Variants in SUCO observed in about 807,000 individuals in gnomAD.
SUCO encodes the protein SUN domain-containing ossification factor.
In SUCO, 57 loss-of-function variants were observed where a neutral mutation model predicts 148.1. That is an observed-to-expected ratio of 0.38 (90% confidence interval 0.31 to 0.48). The LOEUF (loss-of-function observed/expected upper bound fraction) is 0.48. SUCO is among the 20% of genes least tolerant of loss of function. The pLI is 0.96. For synonymous variants in SUCO, 470 were observed against 502.7 expected, an observed-to-expected ratio of 0.93 and a Z score of 0.87; for missense variants, 1,331 against 1,468.2, an observed-to-expected ratio of 0.91 and a Z score of 1.53.
At chr1:172,537,624 C>G (rs1571169114) in intron 1 of SUCO, among the ~76,000 whole-genome samples, 1 of 152,270 alleles carries the variant, frequency 6.6e-6, no homozygotes, top group Non-Finnish European at 1.5e-5. Context: ...CCACTCTTTC[C>G]CTGGGTTTCT....
intron 15 of SUCO, among the ~76,000 whole-genome samples, chr1:172,580,773 A>G (rs1486355848): frequency 6.6e-6 from 1 of 152,140 alleles, no homozygotes; most frequent in African/African-American, 2.4e-5. Context: ...TTCTTGCTAT[A>G]TCTTCCTATG....
At chr1:172,573,832 A>C (rs1381332984) in intron 9 of SUCO, 59 bp from the exon 10 acceptor site, 2 of 952,620 alleles carry the variant, frequency 2.1e-6, no homozygotes, top group East Asian at 5.0e-5. Flanking sequence ...TTAATGTCAT[A>C]TTTAATATGA....
intron 21 of SUCO, 91 bp downstream of exon 21, chr1:172,602,309 G>A: frequency 1.4e-6 from 2 of 1,380,654 alleles, no homozygotes; most frequent in African/African-American, 1.5e-5. Context: ...GGAGACTGAG[G>A]TAATTTCTTT....
chr1:172,595,127 A>G lies in SUCO; in HGVS notation c.2913+4056A>G, dbSNP rs181566742. On this transcript the variant is annotated intron_variant, in intron 19 of 23. Transcript: ENST00000263688. ...TAACCCCTGCTTTTTTTTGTTTTCCATTTGTTTGGTAGATCTTCCTCCATC... is the reference window on the plus strand; with the variant it reads ...TAACCCCTGCTTTTTTTTGTTTTCCGTTTGTTTGGTAGATCTTCCTCCATC... 1.0e-3 allele frequency among the ~76,000 whole-genome samples: 157 copies of G among 151,146 alleles called. 1 individual carries two copies. The highest frequency in any genetic ancestry group is 3.4e-3 in the African/African-American group (140 of 41,130).
At chr1:172,539,516 T>TTAA (rs375757867) in intron 1 of SUCO, among the ~76,000 whole-genome samples, 7 of 25,756 alleles carry the variant, frequency 2.7e-4, no homozygotes, top group African/African-American at 1.9e-3. Flanking sequence ...AAGATTTGGT[T>TTAA]TTAGGACTTT....
intron 1 of SUCO, among the ~76,000 whole-genome samples, chr1:172,540,498 T>G (rs1191086744): frequency 6.6e-6 from 1 of 152,234 alleles, no homozygotes; most frequent in East Asian, 1.9e-4. Context: ...TTAGGTGAAC[T>G]CAGTTTATTT....
At chr1:172,602,952 A>G (rs1657628883) in intron 22 of SUCO, 165 bp downstream of exon 22, 3 of 601,830 alleles carry the variant, frequency 5.0e-6, no homozygotes, top group South Asian at 2.4e-5. Context: ...CACATTTTAT[A>G]TCTGTCTTTG....
intron 22 of SUCO, among the ~76,000 whole-genome samples, chr1:172,607,650 A>G (rs1393228059): frequency 2.0e-5 from 3 of 151,524 alleles, no homozygotes; most frequent in Admixed American, 6.6e-5. Flanking sequence ...CAGCTTTTCA[A>G]TGCTTTTAGT....
intron 22 of SUCO, chr1:172,608,068 A>G: frequency 1.0e-6 from 1 of 984,828 alleles, no homozygotes; most frequent in Non-Finnish European, 1.2e-6. Flanking sequence ...GTTGGGATAT[A>G]TCTTGAAGCT....
At chr1:172,585,829 C>G in intron 16 of SUCO, 29 bp from the exon 17 acceptor site, 2 of 1,412,748 alleles carry the variant, frequency 1.4e-6, no homozygotes, top group Non-Finnish European at 2.0e-6. Context: ...TAAAATTGAA[C>G]TCAACATTGG....
intron 11 of SUCO, chr1:172,576,929 T>C (rs1655487245): frequency 9.6e-6 from 7 of 731,280 alleles, no homozygotes; most frequent in African/African-American, 1.9e-5. Context: ...TACACCCAAA[T>C]CTACTACTTT....
chr1:172,550,916 A>T (rs1305199702), intron 1 of SUCO: 1 of 963,256 alleles, frequency 1.0e-6, no homozygotes, highest in African/African-American at 1.8e-5. Flanking sequence ...GTCAGAGCTT[A>T]ACTCTACTTG....
rs1305309729 is a variant in SUCO, at chr1:172,569,133, A to G, written c.847A>G (p.Lys283Glu). Residue 283 changes from lysine (K) to glutamate (E), a missense_variant, in exon 7 of 24, where the codon AAA (lysine) becomes GAA (glutamate). Lys to Glu is a moderately conservative substitution (Grantham distance 56). This residue lies in a region of SUCO where 992 missense variants were observed against 1,093.5 expected (regional missense o/e 0.91). Transcript: ENST00000263688. ...GAAGAAGAAAGTTATGGAAGTAGAA[A>G]AAGAAAAAAGTAAGGAAGTATTTGA... ...EWKKKVMEVE[K>E]EKSQSMHASS... 1.9e-6 allele frequency: 3 copies of G among 1,555,272 alleles called. No homozygotes were observed. Among genetic ancestry groups the G allele is most frequent in the Non-Finnish European group, 2.6e-6 (3 of 1,152,526 alleles).
chr1:172,545,920 CCTTT>C (rs999579025), intron 1 of SUCO, among the ~76,000 whole-genome samples: 7 of 149,812 alleles, frequency 4.7e-5, no homozygotes, highest in African/African-American at 1.8e-4. Flanking sequence ...TTCCTTCCTT[CCTTT>C]CCTTTCCTTT....
At chr1:172,587,987 G>T in intron 17 of SUCO, 1 of 652,520 alleles carries the variant, frequency 1.5e-6, no homozygotes, top group Non-Finnish European at 1.9e-6. Context: ...CCTCAAAATG[G>T]GATAGAATAT....
Position 172,570,026 on chromosome 1 carries a change from A to G in SUCO, c.857-21A>G, listed in dbSNP as rs765656842. The G allele has an allele frequency of 6.3e-5, 86 of 1,375,858 alleles. No homozygotes were observed. The Middle Eastern group carries it at 5.6e-3, about 89-fold the overall frequency. The allele number at this position is 1,375,858 out of a possible 1,614,324, so 85.2% of individuals were successfully genotyped here. On this transcript the variant is annotated intron_variant, in intron 7 of 23. Coordinates refer to ENST00000263688, the MANE Select transcript of SUCO (RefSeq NM_014283.5). ...TCATCAAATATATATATAAATATTT[A>G]TAATAACGGTTTGTCTGCAGGTCAG...
intron 11 of SUCO, chr1:172,577,117 A>T: frequency 2.2e-6 from 1 of 448,716 alleles, no homozygotes; most frequent in Non-Finnish European, 2.9e-6. Flanking sequence ...TGTAGAATAT[A>T]TATGTATATG....
intron 18 of SUCO, among the ~76,000 whole-genome samples, 188 bp downstream of exon 18, chr1:172,590,114 T>G (rs1196652568): frequency 6.6e-6 from 1 of 152,154 alleles, no homozygotes; most frequent in Non-Finnish European, 1.5e-5. Flanking sequence ...GATTTTTTGT[T>G]TTTAATTTTA....
At chr1:172,568,305 T>TTCCACC in intron 6 of SUCO, 6 of 905,986 alleles carry the variant, frequency 6.6e-6, no homozygotes, top group Non-Finnish European at 7.9e-6. Context: ...ATTCTTTGCT[T>TTCCACC]CCCACCCACC....
Sources: allele counts gnomAD v4.1 joint callset (sites outside exome capture counted in the v4.1 genomes callset), GRCh38; gene constraint gnomAD v4.1.1; regional missense constraint gnomAD v4.1.1; transcripts MANE v1.5; gene names NCBI Gene and HGNC (gene_info 2026-07-23, HGNC 2026-07-21).